CCNF: variants seen among roughly 807,000 people sequenced by gnomAD.
The protein encoded by CCNF is cyclin-F.
CCNF carries 30 observed loss-of-function variants against 85.4 expected under a neutral mutation model. The observed-to-expected ratio is 0.35, with a 90% CI of 0.26 to 0.48. The LOEUF is 0.48. Among genes scored for constraint, CCNF ranks in the 20% least tolerant of loss-of-function variants. The pLI, the probability that CCNF is intolerant of heterozygous loss-of-function variation, is 0.99. For synonymous variants in CCNF, 439 were observed against 425.1 expected, an observed-to-expected ratio of 1.03 and a Z score of -0.40; for missense variants, 919 against 1,010.4, an observed-to-expected ratio of 0.91 and a Z score of 1.23.
rs1383127568 is a variant in CCNF, at chr16:2,453,373, G to A, written c.1588-37G>A. On this transcript the variant is annotated intron_variant, in intron 14 of 16. Transcript: ENST00000397066. This position sits in a 1 kb window ranked among gnomAD's most constrained non-coding sequence, Gnocchi z 5.6. ...TGGGGTGTGGGCGGGCCTCACCCTC[G>A]GGGCCTCTGCACCCCCTAACTCTAG... is the stretch of plus-strand genomic sequence containing the variant. 6.2e-6 allele frequency: 10 copies of A among 1,613,624 alleles called. No homozygotes were observed. The Admixed American group carries it at 8.3e-5, about 13-fold the overall frequency.
chr16:2,456,737 C>T lies in CCNF; in HGVS notation c.2078C>T (p.Pro693Leu). Residue 693 changes from proline to leucine, a missense_variant, in exon 17 of 17, where the codon CCA becomes CTA. Pro to Leu is a moderately conservative substitution (Grantham distance 98). Coordinates refer to ENST00000397066, the MANE Select transcript of CCNF (RefSeq NM_001761.3). The surrounding 1 kb of genome is among the most constrained non-coding windows in gnomAD (Gnocchi z 4.5). ...PKPLVRTSRE[P>L]GKDVTTSGYS... ...CCCCTGGTCCGCACCAGCCGGGAGC[C>T]AGGGAAGGACGTCACGACCTCAGGG... 6.2e-7 allele frequency: 1 copy of T among 1,612,252 alleles called. No individual in the cohort carries two copies. The highest frequency in any genetic ancestry group is 8.5e-7 in the Non-Finnish European group (1 of 1,179,012).
chr16:2,444,251 T>C (rs2065348894), intron 9 of CCNF, among the ~76,000 whole-genome samples: 1 of 151,126 alleles, frequency 6.6e-6, no homozygotes, highest in African/African-American at 2.4e-5. Context: ...AATGCCAAAG[T>C]TATCGTGGAC....
At position 2,455,491 on chromosome 16, in the gene CCNF, C is replaced by T. The variant is rs753790420; in HGVS notation, c.1812C>T (p.Phe604=). 6.2e-7 allele frequency: 1 copy of T among 1,607,158 alleles called. No homozygotes were observed. The highest frequency in any genetic ancestry group is 1.1e-5 in the South Asian group (1 of 90,800). ...AGGAGGAGACGCTGCTGGGCAGCTTCCTCGACTGGAGCCTGGACTGCTGCT... is the reference window on the plus strand; with the variant it reads ...AGGAGGAGACGCTGCTGGGCAGCTTTCTCGACTGGAGCCTGGACTGCTGCT... The part of the protein sequence containing the change: ...SSQEETLLGS[F]LDWSLDCCSG... The change falls in exon 16 of 17, where the codon TTC becomes TTT. Residue 604 remains phenylalanine (F), a synonymous_variant. Transcript: ENST00000397066.
intron 12 of CCNF, 44 bp from the exon 13 acceptor site, chr16:2,449,784 C>T (rs1207406064): frequency 7.2e-6 from 7 of 967,568 alleles, no homozygotes; most frequent in Non-Finnish European, 9.7e-6. Context: ...CCATCCCCTC[C>T]GTCCCCTCCA....
intron 2 of CCNF, 43 bp from the exon 3 acceptor site, chr16:2,432,918 G>A (rs200448070): frequency 3.0e-5 from 37 of 1,251,050 alleles, no homozygotes; most frequent in Non-Finnish European, 1.0e-5. Flanking sequence ...GGGCTTTTGG[G>A]TGGTGCCTCC....
At chr16:2,429,934 G>A (rs1057021000) in intron 1 of CCNF, among the ~76,000 whole-genome samples, 1 of 152,204 alleles carries the variant, frequency 6.6e-6, no homozygotes, top group Admixed American at 6.5e-5. Flanking sequence ...CGTGGACCTA[G>A]CTCTGTGGAA....
chr16:2,449,099 C>A, intron 11 of CCNF, 121 bp downstream of exon 11: 1 of 1,482,458 alleles, frequency 6.7e-7, no homozygotes, highest in Non-Finnish European at 9.4e-7. Flanking sequence ...GCTGTCTCTG[C>A]TGTGCCCAAA....
At chr16:2,455,641 G>A in intron 16 of CCNF, 77 bp downstream of exon 16, 2 of 1,492,046 alleles carry the variant, frequency 1.3e-6, no homozygotes, top group Non-Finnish European at 1.8e-6. Flanking sequence ...TGGGCACCCG[G>A]CCCTGTGCGA....
At position 2,449,456 on chromosome 16, in the gene CCNF, G is replaced by T. The variant is rs201271212; in HGVS notation, c.1393G>T (p.Gly465Trp). The change falls in exon 12 of 17, where the codon GGG (glycine) becomes TGG (tryptophan). Residue 465 changes from glycine to tryptophan, a missense_variant. Physicochemically the swap from Gly to Trp is radical, Grantham distance 184. This residue lies in a region of CCNF where 505 missense variants were observed against 514.8 expected (regional missense o/e 0.98). Coordinates refer to ENST00000397066, the MANE Select transcript of CCNF (RefSeq NM_001761.3). ...CCTGCTCCTGGCCAGACTGACGCAC[G>T]GGCAGAGTAAGGAGTGGCCCTTCCC... ...AALLLARLTHGQTQPWTTQLW... is the reference protein window; with the variant it reads ...AALLLARLTHWQTQPWTTQLW... The T allele has an allele frequency of 5.0e-6, 8 of 1,603,626 alleles. No individual in the cohort carries two copies. The African/African-American group carries it at 1.1e-4, about 21-fold the overall frequency.
At chr16:2,431,836 C>CT (rs112459938) in intron 2 of CCNF, among the ~76,000 whole-genome samples, 108,659 of 145,136 alleles carry the variant, frequency 0.75, 41,152 homozygotes, top group African/African-American at 0.88. Context: ...AAGAAAGTAC[C>CT]TTTTTTTTTT....
In CCNF at chr16:2,453,574, C is replaced by A; in HGVS notation, c.1715+37C>A. 1 of 1,612,078 alleles carries A rather than the reference C, an allele frequency of 6.2e-7. No individual in the cohort carries two copies. The highest frequency in any genetic ancestry group is 8.5e-7 in the Non-Finnish European group (1 of 1,179,018). The stretch of plus-strand genomic sequence containing the variant: ...TGCGTTCTGGCTGCGCCATACAATG[C>A]TGGCATCCTCGTGCCGGCCCAGTTC... On this transcript the variant is annotated intron_variant, in intron 15 of 16. Coordinates refer to ENST00000397066, the MANE Select transcript of CCNF (RefSeq NM_001761.3). The surrounding 1 kb of genome is among the most constrained non-coding windows in gnomAD (Gnocchi z 5.6).
Position 2,437,185 on chromosome 16 carries a change from T to C in CCNF, c.403T>C (p.Phe135Leu), listed in dbSNP as rs778239846. 1.2e-6 allele frequency: 2 copies of C among 1,612,382 alleles called. No individual in the cohort carries two copies. The highest frequency in any genetic ancestry group is 1.7e-5 in the Admixed American group (1 of 59,970). Reference protein sequence around the residue: ...EVNGLKASRFFSLAERLNVGA... With the variant: ...EVNGLKASRFLSLAERLNVGA... ...GAATGGCCTGAAGGCCTCTCGCTTC[T>C]TCAGTCTCGCTGAGCGGCTGAATGT... The change falls in exon 5 of 17, where the codon TTC becomes CTC. Residue 135 changes from phenylalanine (F) to leucine (L), a missense_variant. Transcript: ENST00000397066.
chr16:2,452,952 G>A lies in CCNF; in HGVS notation c.1488-258G>A, dbSNP rs562028369. The A allele has an allele frequency of 9.4e-6, 5 of 531,956 alleles. No homozygotes were observed. The South Asian group carries it at 1.1e-4, about 12-fold the overall frequency. The allele number at this position is 531,956 out of a possible 1,614,324, so 33.0% of individuals were successfully genotyped here. A position where few individuals can be genotyped will look rare whatever the true frequency, so the allele number is the denominator to read the frequency against. On this transcript the variant is annotated intron_variant, in intron 13 of 16. Coordinates refer to ENST00000397066, the MANE Select transcript of CCNF (RefSeq NM_001761.3). The surrounding 1 kb of genome is among the most constrained non-coding windows in gnomAD (Gnocchi z 4.1). ...CCATCCCGCAGCTGGTGGACATTTT[G>A]CCTATTGTGAACAGTCCTGCCATGA...
At chr16:2,450,649 C>A (rs181629025) in intron 13 of CCNF, among the ~76,000 whole-genome samples, 1 of 152,292 alleles carries the variant, frequency 6.6e-6, no homozygotes, top group East Asian at 1.9e-4. Flanking sequence ...CCCGTGGTAA[C>A]TTGTGCGTGT....
intron 9 of CCNF, among the ~76,000 whole-genome samples, chr16:2,444,026 TCTC>T: frequency 6.6e-6 from 1 of 151,404 alleles, no homozygotes; most frequent in Admixed American, 6.6e-5. Context: ...TTCGAGCAAT[TCTC>T]CTGCCTCAGC....
rs1339642903 is a variant in CCNF at position 2,457,596 on chromosome 16, C to G, written c.*576C>G. ...TGCACACTGCGAGGACTGCCTTGGC[C>G]ACAGGCCCACTCCCTACGACACGTG... On this transcript the variant is annotated 3_prime_UTR_variant, in exon 17 of 17. Coordinates refer to ENST00000397066, the MANE Select transcript of CCNF (RefSeq NM_001761.3). The G allele has an allele frequency of 6.5e-6, 1 of 152,946 alleles. No individual in the cohort carries two copies. The highest frequency in any genetic ancestry group is 1.9e-4 in the East Asian group (1 of 5,192). The allele number at this position is 152,946 out of a possible 1,614,324, so 9.5% of individuals were successfully genotyped here.
intron 8 of CCNF, among the ~76,000 whole-genome samples, chr16:2,441,941 A>ATG (rs1477837901): frequency 3.1e-5 from 1 of 32,298 alleles, no homozygotes; most frequent in Non-Finnish European, 7.5e-5. Flanking sequence ...AGCAAATTAT[A>ATG]TATATATATA....
chr16:2,450,131 C>T (rs544567101), intron 13 of CCNF, among the ~76,000 whole-genome samples: 2 of 151,628 alleles, frequency 1.3e-5, no homozygotes, highest in African/African-American at 2.4e-5. Context: ...CGCTTGAACC[C>T]AGGAAGCAGA....
intron 15 of CCNF, among the ~76,000 whole-genome samples, chr16:2,454,024 G>A (rs1050732546): frequency 6.6e-6 from 1 of 152,084 alleles, no homozygotes; most frequent in Non-Finnish European, 1.5e-5. Context: ...TACCTCACCC[G>A]CCTGGAGAAC....
Sources: gnomAD v4.1 joint callset for allele counts (sites outside exome capture counted in the v4.1 genomes callset) on GRCh38, gnomAD v4.1.1 for gene constraint, gnomAD v4.1.1 regional missense constraint, Gnocchi (gnomAD v3.1) non-coding constraint, MANE v1.5 for transcripts, NCBI Gene and HGNC (gene_info 2026-07-23, HGNC 2026-07-21) for gene names.